MAP6: variants seen among roughly 807,000 people sequenced by gnomAD.
MAP6 encodes microtubule associated protein 6.
In MAP6, 26 loss-of-function variants were observed where a neutral mutation model predicts 42.4. That is an observed-to-expected ratio of 0.61 (90% CI 0.45 to 0.85). The LOEUF (loss-of-function observed/expected upper bound fraction) is 0.85. Among genes scored for constraint, MAP6 ranks in the 40% least tolerant of loss-of-function variants. The pLI is 0.00. For missense variants in MAP6, 966 were observed against 1,099.0 expected (o/e 0.88, Z 1.71); for synonymous variants, 418 against 443.8 (o/e 0.94, Z 0.73).
chr11:75,588,581 C>G (rs1251460789), intron 3 of MAP6, among the ~76,000 whole-genome samples: 1 of 152,152 alleles, frequency 6.6e-6, no homozygotes, highest in Admixed American at 6.5e-5. Flanking sequence ...GGAGCCCCAT[C>G]TCAGCTGCCC....
At position 75,608,267 on chromosome 11, in the gene MAP6, G is replaced by T. The variant is rs1410155632; in HGVS notation, c.961C>A (p.Pro321Thr). 1 of 1,614,232 alleles carries T rather than the reference G, an allele frequency of 6.2e-7. No homozygotes were observed. Among genetic ancestry groups the T allele is most frequent in the Admixed American group, 1.7e-5 (1 of 60,028 alleles). ...TTATCATCTGGGGGCTTGTACTGGG[G>T]CTTGGCCTTTATTGGTTTCACAGGC... is the stretch of plus-strand genomic sequence containing the variant. ...IKPVKPIKAKPQYKPPDDKMV... is the reference protein window; with the variant it reads ...IKPVKPIKAKTQYKPPDDKMV... Residue 321 changes from proline to threonine, a missense_variant, in exon 2 of 4, where the codon CCC (proline) becomes ACC (threonine). Coordinates refer to ENST00000304771, the MANE Select transcript of MAP6 (RefSeq NM_033063.2).
At chr11:75,592,237 C>T (rs138718183) in intron 3 of MAP6, among the ~76,000 whole-genome samples, 2 of 152,286 alleles carry the variant, frequency 1.3e-5, no homozygotes, top group East Asian at 1.9e-4. Context: ...GCTGCAGCAC[C>T]GTCTCACAGT....
At chr11:75,652,406 TC>T (rs1437875104) in intron 1 of MAP6, among the ~76,000 whole-genome samples, 5 of 152,128 alleles carry the variant, frequency 3.3e-5, no homozygotes, top group Non-Finnish European at 1.5e-5. Flanking sequence ...ACCTGCCACC[TC>T]CCTTGCTGCC....
intron 1 of MAP6, among the ~76,000 whole-genome samples, chr11:75,634,056 T>C (rs1267065147): frequency 6.6e-6 from 1 of 152,140 alleles, no homozygotes; most frequent in Non-Finnish European, 1.5e-5. Flanking sequence ...ATAGTCCAGA[T>C]AAAAGATTAT....
At chr11:75,605,703 C>T in intron 3 of MAP6, 105 bp downstream of exon 3, 1 of 1,531,676 alleles carries the variant, frequency 6.5e-7, no homozygotes, top group Non-Finnish European at 8.7e-7. Context: ...AGATGAGAAG[C>T]CTCTAATTAA....
intron 1 of MAP6, among the ~76,000 whole-genome samples, chr11:75,653,640 T>C (rs1052271207): frequency 2.0e-5 from 3 of 152,252 alleles, no homozygotes; most frequent in African/African-American, 4.8e-5. Flanking sequence ...ATTTTACTCA[T>C]GCAATAAAAT....
At chr11:75,645,437 C>T (rs1166876846) in intron 1 of MAP6, among the ~76,000 whole-genome samples, 1 of 152,072 alleles carries the variant, frequency 6.6e-6, no homozygotes, top group Non-Finnish European at 1.5e-5. Context: ...TTTGCAGCAC[C>T]CACAGAGTAC....
Position 75,668,599 on chromosome 11 carries a change from C to G in MAP6, c.-230G>C. 1 of 417,278 alleles carries G rather than the reference C, an allele frequency of 2.4e-6. No homozygotes were observed. The highest frequency in any genetic ancestry group is 3.9e-6 in the Non-Finnish European group (1 of 256,604). 25.8% of individuals were successfully genotyped at this position (417,278 alleles called of 1,614,324 possible). On this transcript the variant is annotated 5_prime_UTR_variant, in exon 1 of 4. Coordinates refer to ENST00000304771, the MANE Select transcript of MAP6 (RefSeq NM_033063.2). ...CCGGTCGCAAACGCCTTTGGGAGCG[C>G]AGTCTGCTGCGAGCGCCGAAGGGTG...
intron 1 of MAP6, among the ~76,000 whole-genome samples, chr11:75,622,902 G>A (rs997767520): frequency 2.0e-5 from 3 of 152,172 alleles, no homozygotes; most frequent in African/African-American, 7.2e-5. Flanking sequence ...TTAATGAACC[G>A]ATTGTTAAAT....
At chr11:75,656,616 C>T (rs1943754072) in intron 1 of MAP6, among the ~76,000 whole-genome samples, 3 of 152,118 alleles carry the variant, frequency 2.0e-5, no homozygotes, top group African/African-American at 7.2e-5. Context: ...GATATCGATG[C>T]TTGCTGGGCG....
At position 75,668,720 on chromosome 11, in the gene MAP6, C is replaced by G. The variant is rs1446589352; in HGVS notation, c.-351G>C. The G allele has an allele frequency of 1.1e-5, 2 of 188,444 alleles. No homozygotes were observed. The highest frequency in any genetic ancestry group is 2.2e-5 in the Non-Finnish European group (2 of 92,106). The allele number at this position is 188,444 out of a possible 1,614,324, so 11.7% of individuals were successfully genotyped here. A position where few individuals can be genotyped will look rare whatever the true frequency, so the allele number is the denominator to read the frequency against. On this transcript the variant is annotated 5_prime_UTR_variant, in exon 1 of 4. Transcript: ENST00000304771. ...CACAGACCTCGGTCGAGCGAGGCGA[C>G]GTGAGGAGAGGTGGCTACAGGCTTA...
chr11:75,620,008 A>G (rs1182140774), intron 1 of MAP6, among the ~76,000 whole-genome samples: 2 of 152,180 alleles, frequency 1.3e-5, no homozygotes, highest in Non-Finnish European at 2.9e-5. Context: ...AATAACTGCC[A>G]TTCTGACTGC....
chr11:75,603,824 A>G, intron 3 of MAP6: 2 of 985,452 alleles, frequency 2.0e-6, no homozygotes, highest in Non-Finnish European at 2.4e-6. Flanking sequence ...ACTCTGATTT[A>G]TTTGATCTGC....
intron 1 of MAP6, among the ~76,000 whole-genome samples, chr11:75,661,988 CTT>C (rs1565283301): frequency 1.3e-5 from 2 of 152,004 alleles, no homozygotes; most frequent in African/African-American, 4.8e-5. Context: ...ACATACAAAA[CTT>C]AATGCATATG....
At chr11:75,611,576 T>C (rs1565260928) in intron 1 of MAP6, among the ~76,000 whole-genome samples, 1 of 152,216 alleles carries the variant, frequency 6.6e-6, no homozygotes, top group Non-Finnish European at 1.5e-5. Flanking sequence ...CAAATTCCAT[T>C]TCTTAGAAAC....
In MAP6 at chr11:75,588,105, C is replaced by A. The variant is rs112945591; in HGVS notation, c.1396G>T (p.Val466Leu). The A allele has an allele frequency of 9.9e-6, 16 of 1,614,126 alleles. No individual in the cohort carries two copies. The highest frequency in any genetic ancestry group is 2.7e-5 in the African/African-American group (2 of 75,040). ...TGACCTTTCAGAAGGCCTGGGACCA[C>A]AGAACCTTGATCCTTGTCTGGCTCT... is the stretch of plus-strand genomic sequence containing the variant. The part of the protein sequence containing the change: ...ATEPDKDQGS[V>L]VPGLLKGQGP... The change falls in exon 4 of 4, where the codon GTG (valine) becomes TTG (leucine). Residue 466 changes from valine to leucine, a missense_variant. Transcript: ENST00000304771.
intron 3 of MAP6, among the ~76,000 whole-genome samples, chr11:75,597,662 G>A (rs771222321): frequency 2.2e-4 from 33 of 152,158 alleles, no homozygotes; most frequent in Non-Finnish European, 3.8e-4. Flanking sequence ...GCAAAGGATC[G>A]GATCTTGAGC....
chr11:75,665,058 T>C (rs1057170635), intron 1 of MAP6, among the ~76,000 whole-genome samples: 38 of 152,252 alleles, frequency 2.5e-4, no homozygotes, highest in African/African-American at 9.2e-4. Context: ...AATTAAATTT[T>C]ACAAAAGACC....
intron 2 of MAP6, among the ~76,000 whole-genome samples, 177 bp from the exon 3 acceptor site, chr11:75,606,181 T>G (rs1189490849): frequency 6.6e-6 from 1 of 152,220 alleles, no homozygotes; most frequent in Admixed American, 6.5e-5. Flanking sequence ...ATCTCCCGTC[T>G]GAACTCCCTG....
Sources: gnomAD v4.1 joint callset for allele counts (sites outside exome capture counted in the v4.1 genomes callset) on GRCh38, gnomAD v4.1.1 for gene constraint, MANE v1.5 for transcripts, NCBI Gene and HGNC (gene_info 2026-07-23, HGNC 2026-07-21) for gene names.